Variants in CNBD1 observed in about 807,000 individuals in gnomAD.
The protein encoded by CNBD1 is cyclic nucleotide binding domain containing 1, also known as cyclic nucleotide-binding domain-containing protein 1.
Under a neutral mutation model 54.4 loss-of-function variants are expected in CNBD1, and 71 were observed. That is an observed-to-expected ratio of 1.30 (90% CI 1.08 to 1.59). CNBD1 has a LOEUF of 1.59. Ranked by LOEUF, CNBD1 falls within the 40% of genes most tolerant of loss-of-function variation. The probability of loss-of-function intolerance (pLI) is 0.00; values close to 1 mark genes in which losing one functional copy is unlikely to be tolerated. For missense variants in CNBD1, 659 were observed against 518.0 expected (o/e 1.27, Z -2.64); for synonymous variants, 182 against 170.7 (o/e 1.07, Z -0.51).
At chr8:86,930,222 A>G (rs372777013) in intron 3 of CNBD1, among the ~76,000 whole-genome samples, 15 of 152,180 alleles carry the variant, frequency 9.9e-5, no homozygotes, top group African/African-American at 3.6e-4. Flanking sequence ...TATAGGCTGT[A>G]TTTGTTCTTT....
chr8:86,994,332 G>T (rs1342760244), intron 4 of CNBD1, among the ~76,000 whole-genome samples: 2 of 152,226 alleles, frequency 1.3e-5, no homozygotes, highest in Non-Finnish European at 2.9e-5. Flanking sequence ...GTGCACAAAA[G>T]GCCCTGGTAG....
rs1211761074 is a variant in CNBD1, at chr8:87,129,346, T to A, written c.432-76647T>A. 2.0e-5 allele frequency among the ~76,000 whole-genome samples: 3 copies of A among 152,224 alleles called. No homozygotes were observed. The East Asian group carries it at 5.8e-4, about 29-fold the overall frequency. On this transcript the variant is annotated intron_variant, in intron 4 of 10. Transcript: ENST00000518476. ...AGCTACAAGTTACATTTCATCTATA[T>A]ATCTATGTGTATCTATCTACCTATT...
At chr8:87,023,137 T>A (rs1446705791) in intron 4 of CNBD1, among the ~76,000 whole-genome samples, 1 of 152,220 alleles carries the variant, frequency 6.6e-6, no homozygotes, top group African/African-American at 2.4e-5. Flanking sequence ...CATATGCTCC[T>A]TCTTTTTGAC....
At chr8:87,267,605 G>C (rs1023326851) in intron 6 of CNBD1, among the ~76,000 whole-genome samples, 3 of 152,104 alleles carry the variant, frequency 2.0e-5, no homozygotes, top group Non-Finnish European at 4.4e-5. Flanking sequence ...TTGCTTCATA[G>C]CTAAATGCTG....
intron 2 of CNBD1, among the ~76,000 whole-genome samples, chr8:87,407,726 A>G (rs1807674641): frequency 6.6e-6 from 1 of 152,008 alleles, no homozygotes; most frequent in African/African-American, 2.4e-5. Flanking sequence ...CACAGTTTCA[A>G]TTTGTATTAC....
At chr8:87,357,721 G>A (rs139051382) in intron 10 of CNBD1, among the ~76,000 whole-genome samples, 1 of 152,102 alleles carries the variant, frequency 6.6e-6, no homozygotes, top group Admixed American at 6.6e-5. Context: ...TTAAGACCAG[G>A]GGACTGTTGG....
chr8:87,142,572 TA>T (rs1188905741), intron 4 of CNBD1, among the ~76,000 whole-genome samples: 1 of 152,096 alleles, frequency 6.6e-6, no homozygotes, highest in African/African-American at 2.4e-5. Flanking sequence ...ACATAAAACA[TA>T]AAAATTACAT....
At chr8:87,417,197 A>G (rs1807852440) in intron 2 of CNBD1, among the ~76,000 whole-genome samples, 1 of 151,972 alleles carries the variant, frequency 6.6e-6, no homozygotes, top group East Asian at 1.9e-4. Context: ...AGGAAAAGCA[A>G]AGGCACATCT....
At chr8:87,411,009 C>A (rs1053335091) in intron 2 of CNBD1, among the ~76,000 whole-genome samples, 22 of 152,136 alleles carry the variant, frequency 1.4e-4, no homozygotes, top group East Asian at 9.8e-4. Flanking sequence ...ATAGTCTATA[C>A]ACTGCAGTAT....
At chr8:86,918,518 G>A (rs1457565088) in intron 3 of CNBD1, among the ~76,000 whole-genome samples, 1 of 151,986 alleles carries the variant, frequency 6.6e-6, no homozygotes, top group African/African-American at 2.4e-5. Flanking sequence ...GGAGATTATT[G>A]AATCATGGGA....
intron 3 of CNBD1, among the ~76,000 whole-genome samples, chr8:86,931,705 T>C (rs977532967): frequency 9.2e-5 from 14 of 152,146 alleles, no homozygotes; most frequent in Non-Finnish European, 1.8e-4. Context: ...CTCCAAATTT[T>C]GTTCAGGGCC....
intron 8 of CNBD1, among the ~76,000 whole-genome samples, chr8:87,335,417 C>A (rs1809923745): frequency 6.6e-6 from 1 of 152,054 alleles, no homozygotes; most frequent in Non-Finnish European, 1.5e-5. Context: ...ATTTAGAATA[C>A]TTAACTCTTC....
intron 10 of CNBD1, among the ~76,000 whole-genome samples, chr8:87,368,166 G>C (rs1004858421): frequency 5.2e-5 from 3 of 57,748 alleles, no homozygotes. Flanking sequence ...CATCTAAAAA[G>C]AAAAGAAAAG....
chr8:87,258,117 G>GT, intron 6 of CNBD1, among the ~76,000 whole-genome samples: 1 of 152,054 alleles, frequency 6.6e-6, no homozygotes. Context: ...GATGCTTTAA[G>GT]TGCCCTCTGT....
chr8:87,053,640 C>T (rs1272528790), intron 4 of CNBD1, among the ~76,000 whole-genome samples: 5 of 152,132 alleles, frequency 3.3e-5, no homozygotes, highest in African/African-American at 1.2e-4. Context: ...TCCCGAGGAG[C>T]TAGTTAGCAG....
At chr8:87,019,395 T>C (rs572555616) in intron 4 of CNBD1, among the ~76,000 whole-genome samples, 1 of 152,138 alleles carries the variant, frequency 6.6e-6, no homozygotes, top group Non-Finnish European at 1.5e-5. Flanking sequence ...TATATAACTT[T>C]CCCTGTAACA....
chr8:87,144,341 A>G (rs1812437406), intron 4 of CNBD1, among the ~76,000 whole-genome samples: 1 of 152,228 alleles, frequency 6.6e-6, no homozygotes, highest in Admixed American at 6.5e-5. Flanking sequence ...CATGGCAGAG[A>G]ATAAGTCACC....
intron 4 of CNBD1, among the ~76,000 whole-genome samples, chr8:87,156,890 CATTT>C (rs1812754493): frequency 1.3e-5 from 2 of 152,046 alleles, no homozygotes; most frequent in South Asian, 2.1e-4. Context: ...ATTCTATATG[CATTT>C]GGGGGAAGAG....
chr8:87,368,585 T>C (rs185082994), intron 10 of CNBD1, among the ~76,000 whole-genome samples: 1 of 151,484 alleles, frequency 6.6e-6, no homozygotes, highest in Non-Finnish European at 1.5e-5. Flanking sequence ...TGCAGTGAGC[T>C]ATGATCAAGC....
Sources: gnomAD v4.1 joint callset for allele counts (sites outside exome capture counted in the v4.1 genomes callset) on GRCh38, gnomAD v4.1.1 for gene constraint, MANE v1.5 for transcripts, NCBI Gene and HGNC (gene_info 2026-07-23, HGNC 2026-07-21) for gene names.